SORCS3: variants seen among roughly 807,000 people sequenced by gnomAD.
SORCS3 encodes VPS10 domain-containing receptor SorCS3.
In SORCS3, 57 loss-of-function variants were observed where a neutral mutation model predicts 146.3. That is an observed-to-expected ratio of 0.39 (90% CI 0.31 to 0.49). SORCS3 has a LOEUF of 0.49. Among genes scored for constraint, SORCS3 ranks in the 20% least tolerant of loss-of-function variants. The probability of loss-of-function intolerance (pLI) is 0.92; values close to 1 mark genes in which losing one functional copy is unlikely to be tolerated. For missense variants in SORCS3, 1,341 were observed against 1,575.5 expected (o/e 0.85, Z 2.52); for synonymous variants, 653 against 618.5 (o/e 1.06, Z -0.83).
chr10:105,161,931 C>G (rs2056267165), intron 11 of SORCS3, among the ~76,000 whole-genome samples: 1 of 152,126 alleles, frequency 6.6e-6, no homozygotes, highest in Admixed American at 6.5e-5. Flanking sequence ...ACCAGACCCC[C>G]TGCCAAACTT....
At chr10:104,853,003 A>C (rs1271050270) in intron 2 of SORCS3, among the ~76,000 whole-genome samples, 1 of 152,206 alleles carries the variant, frequency 6.6e-6, no homozygotes, top group Non-Finnish European at 1.5e-5. Context: ...CAGAGGACAC[A>C]AAAACTGGGG....
At chr10:104,751,279 T>C (rs1364889283) in intron 1 of SORCS3, among the ~76,000 whole-genome samples, 2 of 152,202 alleles carry the variant, frequency 1.3e-5, no homozygotes, top group African/African-American at 2.4e-5. Flanking sequence ...TACTGGACTC[T>C]CTCTTATGGG....
At chr10:104,798,572 G>A (rs1039064374) in intron 1 of SORCS3, among the ~76,000 whole-genome samples, 1 of 152,152 alleles carries the variant, frequency 6.6e-6, no homozygotes, top group African/African-American at 2.4e-5. Flanking sequence ...ATTTGTTGCT[G>A]GTGGGAATGC....
Position 104,961,723 on chromosome 10 carries a change from G to A in SORCS3, c.796-15612G>A, listed in dbSNP as rs115459969. On this transcript the variant is annotated intron_variant, in intron 3 of 26. Transcript: ENST00000369701. ...GCAGAGGGACAGTGCCTCAGGTAAAGGTTTTGCTGACTGCCCTTATTGAGA... is the reference window on the plus strand; with the variant it reads ...GCAGAGGGACAGTGCCTCAGGTAAAAGTTTTGCTGACTGCCCTTATTGAGA... 5.0e-3 allele frequency among the ~76,000 whole-genome samples: 762 copies of A among 152,282 alleles called. 9 individuals are homozygous for A. Among genetic ancestry groups the A allele is most frequent in the African/African-American group, 0.018 (746 of 41,570 alleles).
chr10:105,252,817 C>T lies in SORCS3; in HGVS notation c.3148C>T (p.Pro1050Ser), dbSNP rs1322941069. ...PEDQILIAVF[P>S]GLPTSAELFI... ...GGACCAGATCCTCATTGCCGTGTTT[C>T]CTGGTCTCCCCACTTCAGCAGAGCT... is the stretch of plus-strand genomic sequence containing the variant. The change falls in exon 23 of 27, where the codon CCT becomes TCT. Residue 1050 changes from proline (P) to serine (S), a missense_variant. By Grantham distance (74) the Pro-to-Ser change is moderately conservative. Transcript: ENST00000369701. 1.6e-5 allele frequency: 26 copies of T among 1,613,962 alleles called. No homozygotes were observed. The highest frequency in any genetic ancestry group is 2.1e-5 in the Non-Finnish European group (25 of 1,179,990).
chr10:104,988,063 A>T (rs1287128777), intron 4 of SORCS3, among the ~76,000 whole-genome samples: 1 of 152,198 alleles, frequency 6.6e-6, no homozygotes, highest in African/African-American at 2.4e-5. Flanking sequence ...TTGAATTTTC[A>T]TAAGCAGCTG....
chr10:104,789,592 T>C (rs969177), intron 1 of SORCS3, among the ~76,000 whole-genome samples: 124,023 of 152,170 alleles, frequency 0.82, 51,022 homozygotes, highest in East Asian at 0.94. Flanking sequence ...CTTCTCAGGA[T>C]GTAGTTCTCT....
chr10:105,034,812 C>T (rs1485973812), intron 4 of SORCS3, among the ~76,000 whole-genome samples: 1 of 152,204 alleles, frequency 6.6e-6, no homozygotes. Flanking sequence ...AAGTATGACA[C>T]TGCCTAAGAC....
rs557268268 is a variant in SORCS3 at position 104,991,119 on chromosome 10, T to G, written c.954+13626T>G. On this transcript the variant is annotated intron_variant, in intron 4 of 26. Coordinates refer to ENST00000369701, the MANE Select transcript of SORCS3 (RefSeq NM_014978.3). ...AGACGGTGCATCCAGGACATACTTT[T>G]GACTCCAGTTTCCATTGATCCCTGT... Among the ~76,000 whole-genome samples the G allele has an allele frequency of 5.3e-4, 81 of 152,158 alleles. 1 individual carries two copies. The highest frequency in any genetic ancestry group is 7.1e-4 in the Non-Finnish European group (48 of 68,026).
chr10:104,781,670 A>G lies in SORCS3; in HGVS notation c.628-61122A>G, dbSNP rs2017375745. Reference sequence around the variant, plus strand: ...GCTGCAAGTGTAAAGTATATTAAGTATATTTACTGTATCATTGTGCCTTGC... The same window carrying G: ...GCTGCAAGTGTAAAGTATATTAAGTGTATTTACTGTATCATTGTGCCTTGC... On this transcript the variant is annotated intron_variant, in intron 1 of 26. Transcript: ENST00000369701. Among the ~76,000 whole-genome samples the G allele has an allele frequency of 2.0e-5, 3 of 152,368 alleles. No homozygotes were observed. The South Asian group carries it at 6.2e-4, about 32-fold the overall frequency.
chr10:104,991,975 CAT>C (rs2054997675), intron 4 of SORCS3, among the ~76,000 whole-genome samples: 1 of 152,204 alleles, frequency 6.6e-6, no homozygotes, highest in South Asian at 2.1e-4. Context: ...GCCCATAAGA[CAT>C]ATGCATGTCA....
chr10:105,036,399 C>T (rs146937947), intron 4 of SORCS3, among the ~76,000 whole-genome samples: 1 of 152,234 alleles, frequency 6.6e-6, no homozygotes, highest in East Asian at 1.9e-4. Flanking sequence ...ATCAGGGAAC[C>T]TTGTGCTATT....
intron 1 of SORCS3, among the ~76,000 whole-genome samples, chr10:104,678,322 G>A (rs1268327679): frequency 1.3e-5 from 2 of 152,138 alleles, no homozygotes; most frequent in South Asian, 4.1e-4. Flanking sequence ...GAAAGCAGCT[G>A]TTAAGTGCGT....
At chr10:105,206,303 T>C (rs2056602059) in intron 16 of SORCS3, among the ~76,000 whole-genome samples, 1 of 152,202 alleles carries the variant, frequency 6.6e-6, no homozygotes, top group South Asian at 2.1e-4. Context: ...TAGTTACATG[T>C]GGTTATTTGA....
chr10:105,199,063 G>T (rs1217440192), intron 14 of SORCS3, among the ~76,000 whole-genome samples: 3 of 152,068 alleles, frequency 2.0e-5, no homozygotes, highest in Non-Finnish European at 4.4e-5. Context: ...ATCCAGGGCT[G>T]GTAGTGTGAT....
intron 5 of SORCS3, among the ~76,000 whole-genome samples, chr10:105,075,269 A>G (rs806270): frequency 1 from 151,950 of 152,310 alleles, 75,799 homozygotes; most frequent in Middle Eastern, 1. Context: ...CTCTGCCTTC[A>G]CCTGGCTTAG....
chr10:105,141,543 C>T (rs1422469933), intron 8 of SORCS3, among the ~76,000 whole-genome samples: 1 of 152,172 alleles, frequency 6.6e-6, no homozygotes, highest in Non-Finnish European at 1.5e-5. Flanking sequence ...AGCTCCCTAT[C>T]ATCATTGCCC....
chr10:104,789,659 A>G (rs1050381839), intron 1 of SORCS3, among the ~76,000 whole-genome samples: 50 of 152,270 alleles, frequency 3.3e-4, no homozygotes, highest in African/African-American at 1.2e-3. Flanking sequence ...GATGAATTCA[A>G]AAATAAATGA....
intron 9 of SORCS3, among the ~76,000 whole-genome samples, chr10:105,148,066 T>A (rs1162928162): frequency 6.6e-6 from 1 of 152,118 alleles, no homozygotes; most frequent in Non-Finnish European, 1.5e-5. Context: ...CTTGTATGTA[T>A]AAACAATTGA....
Sources: gnomAD v4.1 joint callset for allele counts (sites outside exome capture counted in the v4.1 genomes callset) on GRCh38, gnomAD v4.1.1 for gene constraint, MANE v1.5 for transcripts, NCBI Gene and HGNC (gene_info 2026-07-23, HGNC 2026-07-21) for gene names.